Variants in CKAP5 observed in about 807,000 individuals in gnomAD.
CKAP5 encodes cytoskeleton-associated protein 5.
CKAP5 carries 27 observed loss-of-function variants against 232.8 expected under a neutral mutation model. That is an observed-to-expected ratio of 0.12 (90% CI 0.09 to 0.16). The LOEUF is 0.16. CKAP5 is among the 10% of genes least tolerant of loss of function. CKAP5 has a pLI of 1.00. For synonymous variants in CKAP5, 785 were observed against 841.1 expected, an observed-to-expected ratio of 0.93 and a Z score of 1.16; for missense variants, 1,838 against 2,424.7, an observed-to-expected ratio of 0.76 and a Z score of 5.08.
chr11:46,792,255 T>C lies in CKAP5; in HGVS notation c.1651-1672A>G, dbSNP rs553525241. Among the ~76,000 whole-genome samples the C allele has an allele frequency of 1.7e-3, 254 of 152,296 alleles. 1 individual carries two copies. The Middle Eastern group carries it at 0.031, about 18-fold the overall frequency. On this transcript the variant is annotated intron_variant, in intron 13 of 43. Coordinates refer to ENST00000529230, the MANE Select transcript of CKAP5 (RefSeq NM_001008938.4). ...ACAGACATCAATTTTTATTTATTAA[T>C]TGACAGATTTATCGAGGCTGGGCAT...
intron 26 of CKAP5, 95 bp from the exon 27 acceptor site, chr11:46,767,758 A>G (rs2065214823): frequency 2.8e-6 from 2 of 723,378 alleles, no homozygotes; most frequent in Admixed American, 5.5e-5. Flanking sequence ...GGAAGCTTGC[A>G]GTCTTAAATG....
intron 13 of CKAP5, among the ~76,000 whole-genome samples, chr11:46,791,351 GCGAGCCTCCCATCT>G (rs1442923832): frequency 6.7e-6 from 1 of 149,606 alleles, no homozygotes; most frequent in Non-Finnish European, 1.5e-5. Flanking sequence ...CTGGGCTTAA[GCGAGCCTCCCATCT>G]CAAGCAGCCC....
chr11:46,786,902 AG>A (rs2065399277), intron 16 of CKAP5, among the ~76,000 whole-genome samples: 1 of 152,214 alleles, frequency 6.6e-6, no homozygotes, highest in Non-Finnish European at 1.5e-5. Context: ...AAATCTCTCC[AG>A]TCATTAGCTG....
At chr11:46,762,534 C>T in intron 31 of CKAP5, 93 bp downstream of exon 31, 1 of 1,449,958 alleles carries the variant, frequency 6.9e-7, no homozygotes, top group South Asian at 1.2e-5. Flanking sequence ...ACTACATAGG[C>T]ACTGGAGAAA....
chr11:46,759,227 C>A lies in CKAP5; in HGVS notation c.4568+42G>T, dbSNP rs553441622. The A allele has an allele frequency of 5.1e-6, 8 of 1,575,876 alleles. No homozygotes were observed. In the East Asian group the frequency reaches 1.3e-4, roughly 26 times the overall value. On this transcript the variant is annotated intron_variant, in intron 34 of 43. Coordinates refer to ENST00000529230, the MANE Select transcript of CKAP5 (RefSeq NM_001008938.4). Reference sequence around the variant, plus strand: ...GCACATTTCACGTAGGCCGTCTGATCATCATGAACTGCTCATATTTAAATG... The same window carrying A: ...GCACATTTCACGTAGGCCGTCTGATAATCATGAACTGCTCATATTTAAATG...
At position 46,816,233 on chromosome 11, in the gene CKAP5, T is replaced by C; in HGVS notation, c.423A>G (p.Ile141Met). Residue 141 changes from isoleucine (I) to methionine (M), a missense_variant, in exon 4 of 44, where the codon ATA becomes ATG. Ile to Met is a conservative substitution (Grantham distance 10). Transcript: ENST00000529230. ...KGLDNKNPKI[I>M]VACIETLRKA... ...TCCTCAGTGTCTCTATACAGGCCAC[T>C]ATGATCTTGGGATTCTTATTGTCCA... is the stretch of plus-strand genomic sequence containing the variant. 6.2e-7 allele frequency: 1 copy of C among 1,614,174 alleles called. No individual in the cohort carries two copies. Among genetic ancestry groups the C allele is most frequent in the Non-Finnish European group, 8.5e-7 (1 of 1,180,018 alleles).
intron 16 of CKAP5, among the ~76,000 whole-genome samples, chr11:46,787,365 A>G: frequency 6.6e-6 from 1 of 152,216 alleles, no homozygotes; most frequent in East Asian, 1.9e-4. Context: ...GATGCCAATA[A>G]TAAACCTGAT....
intron 8 of CKAP5, 105 bp from the exon 9 acceptor site, chr11:46,801,409 C>A: frequency 1.2e-6 from 1 of 800,362 alleles, no homozygotes; most frequent in Non-Finnish European, 2.0e-6. Flanking sequence ...GCGGCTCACA[C>A]CTGTAATCCC....
chr11:46,816,255 T>C lies in CKAP5; in HGVS notation c.401A>G (p.Asp134Gly), dbSNP rs1478793343. The C allele has an allele frequency of 5.0e-6, 8 of 1,614,056 alleles. No homozygotes were observed. Among genetic ancestry groups the C allele is most frequent in the Non-Finnish European group, 5.1e-6 (6 of 1,180,022 alleles). Residue 134 changes from aspartate to glycine, a missense_variant, in exon 4 of 44, where the codon GAC becomes GGC. By Grantham distance (94) the Asp-to-Gly change is moderately conservative (BLOSUM62 -1). Transcript: ENST00000529230. ...AVQEELLKGL[D>G]NKNPKIIVAC... ...CACTATGATCTTGGGATTCTTATTG[T>C]CCAAGCCTTTCAGGAGCTCTTCTTG...
chr11:46,770,412 C>T (rs2065237547), intron 25 of CKAP5: 2 of 351,648 alleles, frequency 5.7e-6, no homozygotes, highest in East Asian at 1.1e-4. Context: ...ATGGTTTTTT[C>T]CTCATATAAA....
chr11:46,794,896 G>A (rs1484516911), intron 13 of CKAP5, among the ~76,000 whole-genome samples: 1 of 152,100 alleles, frequency 6.6e-6, no homozygotes, highest in Admixed American at 6.6e-5. Flanking sequence ...AGAAGGGGCT[G>A]GAAGAAGCTG....
chr11:46,801,444 TGGACCACCTGA>T, intron 8 of CKAP5, 140 bp from the exon 9 acceptor site: 1 of 572,178 alleles, frequency 1.7e-6, no homozygotes, highest in South Asian at 1.8e-5. Flanking sequence ...CCAAGGTGGG[TGGACCACCTGA>T]GGTCAGGAGT....
rs1293057866 is a variant in CKAP5, at chr11:46,763,099, G to C, written c.3768C>G (p.Thr1256=). Residue 1256 remains threonine, a synonymous_variant, in exon 30 of 44, where the codon ACC becomes ACG. Transcript: ENST00000529230. ...GTGCTTTCATCAGGACGCTTGTATT[G>C]GTGTCAAAAAACCTCAGGGTAAGCC... is the stretch of plus-strand genomic sequence containing the variant. The part of the protein sequence containing the change: ...LKWLTLRFFD[T]NTSVLMKALE... 6.2e-7 allele frequency: 1 copy of C among 1,613,204 alleles called. No individual in the cohort carries two copies. The highest frequency in any genetic ancestry group is 2.2e-5 in the East Asian group (1 of 44,874).
At chr11:46,762,420 T>C (rs1380009151) in intron 31 of CKAP5, 12 of 864,972 alleles carry the variant, frequency 1.4e-5, no homozygotes, top group Non-Finnish European at 2.2e-5. Context: ...GCACTTGATT[T>C]TGTCACCAGG....
chr11:46,744,518 T>C lies in CKAP5; in HGVS notation c.5764A>G (p.Ile1922Val), dbSNP rs1258301303. The change falls in exon 43 of 44, where the codon ATA (isoleucine) becomes GTA (valine). Residue 1922 changes from isoleucine (I) to valine (V), a missense_variant. Ile to Val is a conservative substitution (Grantham distance 29). Around this residue, in one of 6 missense-constraint regions of CKAP5, gnomAD observed 579 missense variants for 843.2 expected, o/e 0.69. Transcript: ENST00000529230. ...VPTPTSTVSS[I>V]GNTNGEEVGP... ...ACTTCTTCCCCATTTGTGTTACCTA[T>C]GGAGGACACTGTGCTTGTGGGCGTG... The C allele has an allele frequency of 1.2e-6, 2 of 1,614,164 alleles. No homozygotes were observed. The highest frequency in any genetic ancestry group is 1.7e-5 in the Admixed American group (1 of 60,008).
chr11:46,811,218 T>G (rs771777314), intron 4 of CKAP5, 40 bp from the exon 5 acceptor site: 2 of 1,498,354 alleles, frequency 1.3e-6, no homozygotes, highest in Admixed American at 3.5e-5. Context: ...CAACGTGCAA[T>G]GCAATTAAAT....
At chr11:46,828,751 C>T (rs1010833097) in intron 1 of CKAP5, among the ~76,000 whole-genome samples, 5 of 151,918 alleles carry the variant, frequency 3.3e-5, no homozygotes, top group Non-Finnish European at 5.9e-5. Context: ...TACTAACAGT[C>T]ACAAAAAAAG....
chr11:46,840,181 A>G (rs1158112239), intron 1 of CKAP5, among the ~76,000 whole-genome samples: 1 of 152,168 alleles, frequency 6.6e-6, no homozygotes, highest in Non-Finnish European at 1.5e-5. Flanking sequence ...TAGGCATTCA[A>G]TACATGTTAG....
At chr11:46,795,893 G>A in intron 12 of CKAP5, 117 bp from the exon 13 acceptor site, 1 of 881,656 alleles carries the variant, frequency 1.1e-6, no homozygotes, top group South Asian at 1.6e-5. Flanking sequence ...GCCAGGCAAG[G>A]TGGCTCACAC....
Sources: gnomAD v4.1 joint callset for allele counts (sites outside exome capture counted in the v4.1 genomes callset) on GRCh38, gnomAD v4.1.1 for gene constraint, gnomAD v4.1.1 regional missense constraint, MANE v1.5 for transcripts, NCBI Gene and HGNC (gene_info 2026-07-23, HGNC 2026-07-21) for gene names.